Variants in ADAMTS3 observed in about 807,000 individuals in gnomAD.
ADAMTS3 encodes the protein A disintegrin and metalloproteinase with thrombospondin motifs 3.
A neutral mutation model predicts 129.0 loss-of-function variants in ADAMTS3; 73 were observed. The ratio of observed to expected loss-of-function variants is 0.57; its 90% CI spans 0.47 to 0.69. ADAMTS3 has a LOEUF of 0.69. Ranked by LOEUF, ADAMTS3 falls within the 30% of genes least tolerant of loss-of-function variation. The pLI, the probability that ADAMTS3 is intolerant of heterozygous loss-of-function variation, is 0.00. For missense variants in ADAMTS3, 1,457 were observed against 1,514.5 expected (o/e 0.96, Z 0.63); for synonymous variants, 477 against 510.8 (o/e 0.93, Z 0.89).
intron 3 of ADAMTS3, among the ~76,000 whole-genome samples, chr4:72,506,863 C>G (rs972399799): frequency 6.6e-5 from 10 of 152,264 alleles, no homozygotes; most frequent in Admixed American, 3.3e-4. Flanking sequence ...CTTCATGATT[C>G]CAGTGGATTC....
At chr4:72,413,197 A>G (rs913745486) in intron 4 of ADAMTS3, among the ~76,000 whole-genome samples, 8 of 152,014 alleles carry the variant, frequency 5.3e-5, no homozygotes, top group African/African-American at 1.9e-4. Context: ...AGCCTGATGA[A>G]ACTACAGTTA....
intron 15 of ADAMTS3, among the ~76,000 whole-genome samples, chr4:72,308,061 T>C (rs963582569): frequency 1.3e-5 from 2 of 151,864 alleles, no homozygotes; most frequent in African/African-American, 4.8e-5. Context: ...TAAAACAAAA[T>C]GAATTATTTT....
At chr4:72,458,102 G>A (rs1223376063) in intron 3 of ADAMTS3, among the ~76,000 whole-genome samples, 1 of 151,560 alleles carries the variant, frequency 6.6e-6, no homozygotes, top group Non-Finnish European at 1.5e-5. Flanking sequence ...TGGAGATGGA[G>A]GTGATGGCCC....
At position 72,290,858 on chromosome 4, in the gene ADAMTS3, A is replaced by T. The variant is rs1412668447; in HGVS notation, c.2928T>A (p.Ser976Arg). Residue 976 changes from serine to arginine, a missense_variant, in exon 20 of 22, where the codon AGT becomes AGA. Physicochemically the swap from Ser to Arg is moderately radical, Grantham distance 110. Coordinates refer to ENST00000286657, the MANE Select transcript of ADAMTS3 (RefSeq NM_014243.3). Reference protein sequence around the residue: ...CPAQWKTGPWSECSVTCGEGT... With the variant: ...CPAQWKTGPWRECSVTCGEGT... ...TGCACGGAATTCACACACCTACCTC[A>T]CTCCAGGGTCCTGTTTTCCACTGTG... The T allele has an allele frequency of 3.7e-6, 6 of 1,613,160 alleles. No homozygotes were observed. The Admixed American group carries it at 5.0e-5, about 13-fold the overall frequency.
At chr4:72,422,129 C>T (rs1246180162) in intron 3 of ADAMTS3, among the ~76,000 whole-genome samples, 1 of 152,082 alleles carries the variant, frequency 6.6e-6, no homozygotes, top group Non-Finnish European at 1.5e-5. Context: ...GCATAAAATT[C>T]TAAGTACTAC....
intron 3 of ADAMTS3, among the ~76,000 whole-genome samples, chr4:72,456,472 A>G (rs1718622977): frequency 6.8e-6 from 1 of 147,542 alleles, no homozygotes; most frequent in Non-Finnish European, 1.5e-5. Context: ...GCAAAATTAT[A>G]CAAGTTTCTG....
At chr4:72,516,131 A>G (rs1474053722) in intron 3 of ADAMTS3, among the ~76,000 whole-genome samples, 2 of 152,144 alleles carry the variant, frequency 1.3e-5, no homozygotes, top group African/African-American at 2.4e-5. Flanking sequence ...AGGTTTGTCT[A>G]AGATCAGATA....
intron 3 of ADAMTS3, among the ~76,000 whole-genome samples, chr4:72,419,780 C>T (rs1049272336): frequency 2.0e-5 from 3 of 152,028 alleles, no homozygotes; most frequent in African/African-American, 7.3e-5. Context: ...GCTATTCATT[C>T]AGGGAAGAGT....
rs535620547 is a variant in ADAMTS3 at position 72,310,254 on chromosome 4, G to A, written c.2056-734C>T. 2.0e-5 allele frequency among the ~76,000 whole-genome samples: 3 copies of A among 152,182 alleles called. No individual in the cohort carries two copies. In the South Asian group the frequency reaches 6.2e-4, roughly 32 times the overall value. On this transcript the variant is annotated intron_variant, in intron 14 of 21. Transcript: ENST00000286657. ...AGGCATGTTCTTAATGTAAATCACT[G>A]TAGAATAATGATACACAATACACTA...
intron 3 of ADAMTS3, among the ~76,000 whole-genome samples, chr4:72,419,501 G>T (rs1009063069): frequency 6.6e-6 from 1 of 152,256 alleles, no homozygotes; most frequent in Admixed American, 6.5e-5. Flanking sequence ...TGGAGCAAAG[G>T]TTCTAAAGCA....
rs564680379 is a variant in ADAMTS3 at position 72,561,081 on chromosome 4, C to A, written c.97+6293G>T. ...TAAGAAATGGGGCCAGGGCCAGGCA[C>A]GGTGGCTAACACTGTAATCCTAGCA... On this transcript the variant is annotated intron_variant, in intron 2 of 21. Transcript: ENST00000286657. 7.9e-5 allele frequency among the ~76,000 whole-genome samples: 12 copies of A among 151,734 alleles called. No individual in the cohort carries two copies. In the South Asian group the frequency reaches 2.5e-3, roughly 32 times the overall value.
At chr4:72,424,933 T>C (rs906260859) in intron 3 of ADAMTS3, among the ~76,000 whole-genome samples, 2 of 152,140 alleles carry the variant, frequency 1.3e-5, no homozygotes, top group South Asian at 4.1e-4. Flanking sequence ...CTTATTATAT[T>C]GTCAATATTT....
chr4:72,303,891 T>C (rs1719016401), intron 17 of ADAMTS3, 26 bp downstream of exon 17: 13 of 1,610,620 alleles, frequency 8.1e-6, no homozygotes, highest in Non-Finnish European at 1.0e-5. Context: ...GAGCTAACTA[T>C]ACCATGAGCC....
intron 5 of ADAMTS3, among the ~76,000 whole-genome samples, chr4:72,337,698 C>G (rs1168191799): frequency 6.6e-6 from 1 of 152,140 alleles, no homozygotes; most frequent in African/African-American, 2.4e-5. Flanking sequence ...GATTGGATAA[C>G]TATGGTCACA....
intron 3 of ADAMTS3, among the ~76,000 whole-genome samples, chr4:72,516,155 A>G (rs369932896): frequency 2.6e-5 from 4 of 152,054 alleles, no homozygotes; most frequent in South Asian, 2.1e-4. Context: ...GTAGATATGC[A>G]GCATTATTTC....
intron 8 of ADAMTS3, 132 bp downstream of exon 8, chr4:72,319,726 G>T: frequency 2.4e-6 from 2 of 833,710 alleles, no homozygotes; most frequent in East Asian, 2.7e-5. Flanking sequence ...TTCTCTGTTT[G>T]CAGCTCTTCA....
At chr4:72,318,329 C>T (rs996760794) in intron 10 of ADAMTS3, among the ~76,000 whole-genome samples, 6 of 152,196 alleles carry the variant, frequency 3.9e-5, no homozygotes, top group African/African-American at 1.4e-4. Context: ...GTTGCTTAAT[C>T]TCTAAGTCTT....
intron 10 of ADAMTS3, among the ~76,000 whole-genome samples, chr4:72,316,697 A>ATAT: frequency 1.1e-5 from 1 of 93,422 alleles, no homozygotes; most frequent in East Asian, 2.2e-4. Context: ...TCTCAAAATA[A>ATAT]TAATAATAAT....
chr4:72,414,150 A>T (rs1722248224), intron 4 of ADAMTS3, among the ~76,000 whole-genome samples: 1 of 151,320 alleles, frequency 6.6e-6, no homozygotes, highest in Non-Finnish European at 1.5e-5. Context: ...AGATTCCTAA[A>T]TTTTTTTTTC....
Sources: gnomAD v4.1 joint callset for allele counts (sites outside exome capture counted in the v4.1 genomes callset) on GRCh38, gnomAD v4.1.1 for gene constraint, MANE v1.5 for transcripts, NCBI Gene and HGNC (gene_info 2026-07-23, HGNC 2026-07-21) for gene names.